Variants in CDH10 observed in about 807,000 individuals in gnomAD.
CDH10 encodes cadherin-10.
A neutral mutation model predicts 73.1 loss-of-function variants in CDH10; 30 were observed. The observed-to-expected ratio is 0.41, with a 90% CI of 0.31 to 0.56. The LOEUF (loss-of-function observed/expected upper bound fraction) is 0.56. CDH10 is among the 20% of genes least tolerant of loss of function. CDH10 has a pLI of 0.27. For synonymous variants in CDH10, 345 were observed against 348.2 expected (o/e 0.99, Z 0.10); for missense variants, 815 against 973.7 (o/e 0.84, Z 2.17).
chr5:24,553,772 C>G (rs1239805391), intron 2 of CDH10, among the ~76,000 whole-genome samples: 2 of 152,032 alleles, frequency 1.3e-5, no homozygotes, highest in South Asian at 2.1e-4. Context: ...GATGTGGAAC[C>G]TAATTCCTCT....
At chr5:24,607,147 G>A (rs1746787744) in intron 1 of CDH10, among the ~76,000 whole-genome samples, 1 of 152,182 alleles carries the variant, frequency 6.6e-6, no homozygotes, top group African/African-American at 2.4e-5. Context: ...GAAAGCCTGG[G>A]CCTGCTTAGG....
At chr5:24,570,264 A>T (rs1241559365) in intron 2 of CDH10, among the ~76,000 whole-genome samples, 1 of 152,196 alleles carries the variant, frequency 6.6e-6, no homozygotes, top group Non-Finnish European at 1.5e-5. Context: ...AAGTCAAACA[A>T]TAAGACAAAA....
chr5:24,644,238 T>C (rs1447925905), intron 1 of CDH10, among the ~76,000 whole-genome samples: 1 of 152,188 alleles, frequency 6.6e-6, no homozygotes, highest in Non-Finnish European at 1.5e-5. Flanking sequence ...CTTGAACTGA[T>C]TTTTAAAATA....
chr5:24,575,874 T>C (rs529298146), intron 2 of CDH10, among the ~76,000 whole-genome samples: 27 of 152,280 alleles, frequency 1.8e-4, no homozygotes, highest in African/African-American at 5.5e-4. Flanking sequence ...TTGTATATTT[T>C]ATAAATAGCA....
chr5:24,555,656 G>T (rs962195470), intron 2 of CDH10, among the ~76,000 whole-genome samples: 2 of 152,124 alleles, frequency 1.3e-5, no homozygotes, highest in African/African-American at 4.8e-5. Flanking sequence ...TACCTGGAAT[G>T]TATGCAAACT....
intron 5 of CDH10, among the ~76,000 whole-genome samples, chr5:24,528,838 G>C (rs1743627509): frequency 6.6e-6 from 1 of 151,968 alleles, no homozygotes; most frequent in Admixed American, 6.6e-5. Context: ...GTGCTTTGAA[G>C]CACAGGCTTA....
intron 5 of CDH10, among the ~76,000 whole-genome samples, chr5:24,516,315 T>G (rs928047424): frequency 2.6e-5 from 4 of 152,168 alleles, no homozygotes; most frequent in African/African-American, 9.7e-5. Flanking sequence ...TCTCGTTTGT[T>G]AAGTTACCAT....
At chr5:24,584,677 G>A (rs1745925163) in intron 2 of CDH10, among the ~76,000 whole-genome samples, 1 of 150,842 alleles carries the variant, frequency 6.6e-6, no homozygotes. Context: ...CACCATGTTG[G>A]CCAGGCTGGT....
intron 5 of CDH10, among the ~76,000 whole-genome samples, chr5:24,519,504 A>C (rs1743233738): frequency 6.6e-6 from 1 of 152,156 alleles, no homozygotes; most frequent in South Asian, 2.1e-4. Context: ...AAAGATCCCT[A>C]AGAAAAGGCA....
chr5:24,550,663 G>T (rs1220993720), intron 2 of CDH10, among the ~76,000 whole-genome samples: 1 of 152,036 alleles, frequency 6.6e-6, no homozygotes, highest in Non-Finnish European at 1.5e-5. Context: ...ATTTGGGTAA[G>T]AATACTTGTC....
At chr5:24,581,473 C>A (rs1745796328) in intron 2 of CDH10, among the ~76,000 whole-genome samples, 1 of 152,108 alleles carries the variant, frequency 6.6e-6, no homozygotes, top group African/African-American at 2.4e-5. Flanking sequence ...TTTGTAACAA[C>A]TATAAGAATA....
chr5:24,590,200 TC>T (rs147216032), intron 2 of CDH10, among the ~76,000 whole-genome samples: 4,412 of 152,080 alleles, frequency 0.029, 215 homozygotes, highest in African/African-American at 0.1. Context: ...TGACTTTGTT[TC>T]TTACAAAACA....
intron 1 of CDH10, among the ~76,000 whole-genome samples, chr5:24,635,398 G>C (rs1317310971): frequency 2.0e-5 from 3 of 151,908 alleles, no homozygotes; most frequent in African/African-American, 2.4e-5. Flanking sequence ...GTGGCTCATG[G>C]ACCTCACAAC....
At chr5:24,601,893 C>A (rs898302845) in intron 1 of CDH10, among the ~76,000 whole-genome samples, 1 of 152,114 alleles carries the variant, frequency 6.6e-6, no homozygotes, top group Non-Finnish European at 1.5e-5. Flanking sequence ...CTGACCCTAA[C>A]CCTACCATTA....
At chr5:24,518,086 A>T (rs1191370647) in intron 5 of CDH10, among the ~76,000 whole-genome samples, 1 of 152,198 alleles carries the variant, frequency 6.6e-6, no homozygotes, top group Admixed American at 6.5e-5. Context: ...ATCACAAAAC[A>T]GTCTAAAATT....
rs1331684550 is a variant in CDH10 at position 24,509,690 on chromosome 5, C to T, written c.1132G>A (p.Val378Met). 1 of 1,613,686 alleles carries T rather than the reference C, an allele frequency of 6.2e-7. No individual in the cohort carries two copies. Among genetic ancestry groups the T allele is most frequent in the Admixed American group, 1.7e-5 (1 of 60,012 alleles). Residue 378 changes from valine to methionine, a missense_variant, in exon 7 of 12, where the codon GTG becomes ATG. Physicochemically the swap from Val to Met is conservative, Grantham distance 21. Around this residue, in one of 3 missense-constraint regions of CDH10, gnomAD observed 516 missense variants for 636.6 expected, o/e 0.81. Transcript: ENST00000264463. ...CTACTAAAAACAGGAGGTTCATCCACATCTTCTATAGAGATTTTCACTATG... is the reference window on the plus strand; with the variant it reads ...CTACTAAAAACAGGAGGTTCATCCATATCTTCTATAGAGATTTTCACTATG... Reference protein sequence around the residue: ...TTIVKISIEDVDEPPVFSRSS... With the variant: ...TTIVKISIEDMDEPPVFSRSS...
intron 8 of CDH10, among the ~76,000 whole-genome samples, chr5:24,503,934 A>G (rs1254099633): frequency 1.3e-5 from 2 of 152,186 alleles, no homozygotes; most frequent in Non-Finnish European, 2.9e-5. Flanking sequence ...ATTAAATGGT[A>G]TCATATGCAA....
chr5:24,488,298 G>T, intron 11 of CDH10, 145 bp from the exon 12 acceptor site: 2 of 713,340 alleles, frequency 2.8e-6, no homozygotes, highest in South Asian at 2.0e-5. Context: ...CCACAGTTTG[G>T]GGGAGGTGTC....
intron 3 of CDH10, among the ~76,000 whole-genome samples, 163 bp downstream of exon 3, chr5:24,537,214 TTGA>T (rs1277112097): frequency 6.6e-6 from 1 of 151,892 alleles, no homozygotes; most frequent in East Asian, 1.9e-4. Context: ...GTAAATTGCA[TTGA>T]TCTTTTTTTT....
Sources: gnomAD v4.1 joint callset for allele counts (sites outside exome capture counted in the v4.1 genomes callset) on GRCh38, gnomAD v4.1.1 for gene constraint, gnomAD v4.1.1 regional missense constraint, MANE v1.5 for transcripts, NCBI Gene and HGNC (gene_info 2026-07-23, HGNC 2026-07-21) for gene names.